EPB41L2: variants seen among roughly 807,000 people sequenced by gnomAD.
EPB41L2 encodes the protein band 4.1-like protein 2.
In EPB41L2, 43 loss-of-function variants were observed where a neutral mutation model predicts 113.0. The observed-to-expected ratio is 0.38, with a 90% CI of 0.30 to 0.49. The LOEUF (loss-of-function observed/expected upper bound fraction) is 0.49, where lower values mean the gene tolerates loss of function less well. Ranked by LOEUF, EPB41L2 falls within the 20% of genes least tolerant of loss-of-function variation. The pLI is 0.95. For missense variants in EPB41L2, 1,147 were observed against 1,223.4 expected, an observed-to-expected ratio of 0.94 and a Z score of 0.93; for synonymous variants, 442 against 436.7, an observed-to-expected ratio of 1.01 and a Z score of -0.15.
At chr6:130,972,960 A>AC (rs1777249149) in intron 1 of EPB41L2, among the ~76,000 whole-genome samples, 2 of 149,144 alleles carry the variant, frequency 1.3e-5, no homozygotes, top group Non-Finnish European at 3.0e-5. Flanking sequence ...AAAAAAAAAA[A>AC]AAACAGCCGG....
At chr6:131,014,928 A>C (rs1260399385) in intron 1 of EPB41L2, among the ~76,000 whole-genome samples, 1 of 152,256 alleles carries the variant, frequency 6.6e-6, no homozygotes, top group Non-Finnish European at 1.5e-5. Flanking sequence ...AGGAATTCAA[A>C]ATAGAAATTC....
In EPB41L2 at chr6:131,032,381, C is replaced by T. The variant is rs572701592; in HGVS notation, c.-15+30774G>A. On this transcript the variant is annotated intron_variant, in intron 1 of 19. Coordinates refer to ENST00000337057, the MANE Select transcript of EPB41L2 (RefSeq NM_001431.4). ...TTTTAAAGACAAGTGCTACATAAAC[C>T]TTCACTTTTTTCCCTCATGATTAAA... 1.1e-4 allele frequency among the ~76,000 whole-genome samples: 16 copies of T among 151,860 alleles called. No individual in the cohort carries two copies. In the South Asian group the frequency reaches 3.4e-3, roughly 32 times the overall value.
chr6:130,987,138 A>G (rs1780753421), intron 1 of EPB41L2, among the ~76,000 whole-genome samples: 1 of 152,136 alleles, frequency 6.6e-6, no homozygotes, highest in Non-Finnish European at 1.5e-5. Context: ...ATTGATGGAT[A>G]TTTGGGTTGT....
intron 1 of EPB41L2, among the ~76,000 whole-genome samples, chr6:131,023,821 T>C (rs1213268088): frequency 1.3e-5 from 2 of 151,010 alleles, no homozygotes; most frequent in Non-Finnish European, 2.9e-5. Flanking sequence ...ACTCTATGTC[T>C]ATAGGAGTAT....
chr6:131,053,498 C>T (rs1797028985), intron 1 of EPB41L2, among the ~76,000 whole-genome samples: 1 of 151,476 alleles, frequency 6.6e-6, no homozygotes, highest in Admixed American at 6.6e-5. Flanking sequence ...AAGAAAAGCT[C>T]CCTGCTTCTA....
chr6:131,034,801 T>A (rs193272766), intron 1 of EPB41L2, among the ~76,000 whole-genome samples: 105 of 152,358 alleles, frequency 6.9e-4, no homozygotes, highest in Non-Finnish European at 1.4e-3. Flanking sequence ...CATTCCCATA[T>A]TCCTGTGATC....
At chr6:131,022,495 T>G (rs1213762114) in intron 1 of EPB41L2, among the ~76,000 whole-genome samples, 1 of 152,224 alleles carries the variant, frequency 6.6e-6, no homozygotes, top group Non-Finnish European at 1.5e-5. Flanking sequence ...ATTGCTTTAT[T>G]TTGAATAATA....
chr6:131,055,417 G>C (rs1298844593), intron 1 of EPB41L2, among the ~76,000 whole-genome samples: 2 of 152,128 alleles, frequency 1.3e-5, no homozygotes, highest in African/African-American at 4.8e-5. Context: ...ACAAGATGAA[G>C]GGTACTCCCT....
At chr6:131,011,373 T>C (rs1786920918) in intron 1 of EPB41L2, among the ~76,000 whole-genome samples, 2 of 152,224 alleles carry the variant, frequency 1.3e-5, no homozygotes. Context: ...TAGTCAAAAT[T>C]ACAAACGGTA....
intron 18 of EPB41L2, among the ~76,000 whole-genome samples, chr6:130,862,484 G>A (rs1361203073): frequency 6.6e-6 from 1 of 152,184 alleles, no homozygotes; most frequent in Non-Finnish European, 1.5e-5. Flanking sequence ...TGTTCCAGTG[G>A]ATAGTAGAAT....
Position 130,895,129 on chromosome 6 carries a change from A to G in EPB41L2, c.1237-10T>C. On this transcript the variant is annotated splice_polypyrimidine_tract_variant and intron_variant, in intron 8 of 19. Transcript: ENST00000337057. ...CCACACCTTCTGAGTCCTGCCAAGC[A>G]TAACCCAATTAACCATGGTTAAGAG... is the stretch of plus-strand genomic sequence containing the variant. The G allele has an allele frequency of 1.2e-6, 2 of 1,600,872 alleles. No individual in the cohort carries two copies. The highest frequency in any genetic ancestry group is 2.2e-5 in the East Asian group (1 of 44,450).
intron 4 of EPB41L2, among the ~76,000 whole-genome samples, chr6:130,921,904 C>T (rs1473870604): frequency 6.6e-6 from 1 of 152,090 alleles, no homozygotes; most frequent in African/African-American, 2.4e-5. Context: ...GTTTTCTGTC[C>T]CAACATATCT....
intron 19 of EPB41L2, among the ~76,000 whole-genome samples, chr6:130,845,582 T>C (rs1776809829): frequency 6.6e-6 from 1 of 152,104 alleles, no homozygotes; most frequent in Non-Finnish European, 1.5e-5. Context: ...GCTCTTGCTA[T>C]ACTGCCCAGT....
chr6:130,888,542 A>C (rs569363042), intron 11 of EPB41L2, among the ~76,000 whole-genome samples: 1 of 152,332 alleles, frequency 6.6e-6, no homozygotes, highest in East Asian at 1.9e-4. Context: ...TAAACTTTGC[A>C]ATATAAGAGT....
chr6:130,867,152 C>T lies in EPB41L2; in HGVS notation c.2730+307G>A, dbSNP rs148225063. 1.1e-4 allele frequency among the ~76,000 whole-genome samples: 17 copies of T among 152,310 alleles called. No individual in the cohort carries two copies. The East Asian group carries it at 2.9e-3, about 26-fold the overall frequency. On this transcript the variant is annotated intron_variant, in intron 16 of 19. Transcript: ENST00000337057. ...CAAGACAATTTGTTTCCTAAGTGTA[C>T]ACAAACATTCTTAGATATGTCAACT...
At chr6:131,018,301 T>A (rs1427437792) in intron 1 of EPB41L2, among the ~76,000 whole-genome samples, 1 of 152,132 alleles carries the variant, frequency 6.6e-6, no homozygotes, top group Admixed American at 6.6e-5. Context: ...GACCCCATAT[T>A]CAAGGAGTAA....
intron 14 of EPB41L2, among the ~76,000 whole-genome samples, chr6:130,874,498 A>AAG (rs1786851962): frequency 6.6e-6 from 1 of 151,730 alleles, no homozygotes; most frequent in African/African-American, 2.4e-5. Flanking sequence ...ACACTCCCGT[A>AAG]GACAAATGCT....
At chr6:131,055,054 A>T (rs540429857) in intron 1 of EPB41L2, among the ~76,000 whole-genome samples, 2 of 152,242 alleles carry the variant, frequency 1.3e-5, no homozygotes, top group African/African-American at 4.8e-5. Flanking sequence ...CTGCTTACTC[A>T]TATAACCTCC....
intron 5 of EPB41L2, among the ~76,000 whole-genome samples, chr6:130,908,536 C>T (rs575262947): frequency 6.6e-6 from 1 of 152,246 alleles, no homozygotes; most frequent in African/African-American, 2.4e-5. Context: ...GTAAAATTTA[C>T]AGAAAAGTAG....
Sources: gnomAD v4.1 joint callset for allele counts (sites outside exome capture counted in the v4.1 genomes callset) on GRCh38, gnomAD v4.1.1 for gene constraint, MANE v1.5 for transcripts, NCBI Gene and HGNC (gene_info 2026-07-23, HGNC 2026-07-21) for gene names.